CRMP1: variants seen among roughly 807,000 people sequenced by gnomAD.
CRMP1 encodes collapsin response mediator protein 1, also known as dihydropyrimidinase-related protein 1.
Under a neutral mutation model 68.3 loss-of-function variants are expected in CRMP1, and 19 were observed. That is an observed-to-expected ratio of 0.28 (90% CI 0.19 to 0.41). The LOEUF (loss-of-function observed/expected upper bound fraction) is 0.41. Ranked by LOEUF, CRMP1 falls within the 10% of genes least tolerant of loss-of-function variation. CRMP1 has a pLI of 1.00. For missense variants in CRMP1, 791 were observed against 967.4 expected, an observed-to-expected ratio of 0.82 and a Z score of 2.42; for synonymous variants, 439 against 399.6, an observed-to-expected ratio of 1.10 and a Z score of -1.18.
intron 6 of CRMP1, among the ~76,000 whole-genome samples, chr4:5,844,043 A>T (rs1711996181): frequency 6.6e-6 from 1 of 152,158 alleles, no homozygotes. Flanking sequence ...TGTCTGTGTC[A>T]TTGTTCTTAG....
Position 5,853,918 on chromosome 4 carries a change from C to T in CRMP1, c.820+2225G>A, listed in dbSNP as rs1006590927. Among the ~76,000 whole-genome samples, 37 of 152,354 alleles carry T rather than the reference C, an allele frequency of 2.4e-4. No homozygotes were observed. The highest frequency in any genetic ancestry group is 8.9e-4 in the African/African-American group (37 of 41,590). On this transcript the variant is annotated intron_variant, in intron 4 of 13. Coordinates refer to ENST00000324989, the MANE Select transcript of CRMP1 (RefSeq NM_001014809.3). The surrounding 1 kb of genome is among the most constrained non-coding windows in gnomAD (Gnocchi z 4.7). ...AGCATACAAAGTTGAAAGGTTGCTG[C>T]CAGGACCTGAGCACCATCGCCATTC...
Position 5,841,570 on chromosome 4 carries a change from G to C in CRMP1, c.1033-142C>G. On this transcript the variant is annotated intron_variant, in intron 7 of 13. Transcript: ENST00000324989. This position sits in a 1 kb window ranked among gnomAD's most constrained non-coding sequence, Gnocchi z 6.9. ...GGACATACTGAGTCCAACAGCGCTT[G>C]ACAGTGCCCCCTGCTCTCCGGGGTG... 7.6e-7 allele frequency: 1 copy of C among 1,311,356 alleles called. No individual in the cohort carries two copies. The highest frequency in any genetic ancestry group is 1.1e-6 in the Non-Finnish European group (1 of 945,282). 81.2% of individuals were successfully genotyped at this position (1,311,356 alleles called of 1,614,324 possible).
Position 5,892,859 on chromosome 4 carries a change from G to T in CRMP1, c.111C>A (p.Ala37=), listed in dbSNP as rs143304363. ...TPRQKYGGMF[A]AVEGAYENKT... is the part of the protein sequence containing the mutation. ...TGTTCTCGTAGGCGCCCTCCACCGC[G>T]GCGAACATGCCGCCGTACTTCTGGC... Residue 37 remains alanine (A), a synonymous_variant, in exon 1 of 14, where the codon GCC becomes GCA. Transcript: ENST00000324989. This position sits in a 1 kb window ranked among gnomAD's most constrained non-coding sequence, Gnocchi z 8.6. 4 of 1,415,276 alleles carry T rather than the reference G, an allele frequency of 2.8e-6. No homozygotes were observed. Among genetic ancestry groups the T allele is most frequent in the African/African-American group, 3.0e-5 (2 of 66,358 alleles). 87.7% of individuals were successfully genotyped at this position (1,415,276 alleles called of 1,614,324 possible).
In CRMP1 at chr4:5,841,169, C is replaced by G; in HGVS notation, c.1153+139G>C. On this transcript the variant is annotated intron_variant, in intron 8 of 13. Transcript: ENST00000324989. This position sits in a 1 kb window ranked among gnomAD's most constrained non-coding sequence, Gnocchi z 6.9. ...GGACCAAAGAATTCCAGCCACCATC[C>G]TTGTGTCAGGAGCATCCCCGCTCCA... 1.5e-6 allele frequency: 2 copies of G among 1,290,844 alleles called. No individual in the cohort carries two copies. Among genetic ancestry groups the G allele is most frequent in the South Asian group, 2.6e-5 (2 of 76,294 alleles). 80.0% of individuals were successfully genotyped at this position (1,290,844 alleles called of 1,614,324 possible). A position where few individuals can be genotyped will look rare whatever the true frequency, so the allele number is the denominator to read the frequency against.
rs778874099 is a variant in CRMP1, at chr4:5,820,871, G to C, written c.*889C>G. The C allele has an allele frequency of 1.3e-5, 2 of 152,184 alleles. No homozygotes were observed. The highest frequency in any genetic ancestry group is 2.1e-4 in the South Asian group (1 of 4,828). 9.4% of individuals were successfully genotyped at this position (152,184 alleles called of 1,614,324 possible). On this transcript the variant is annotated 3_prime_UTR_variant, in exon 14 of 14. Coordinates refer to ENST00000324989, the MANE Select transcript of CRMP1 (RefSeq NM_001014809.3). ...CAAGTTGGTTGTTAAGTAAAAATGG[G>C]AGTGATTACAAAGGAAAACTTTGTA...
rs939811076 is a variant in CRMP1 at position 5,888,420 on chromosome 4, C to G, written c.381+4169G>C. On this transcript the variant is annotated intron_variant, in intron 1 of 13. Transcript: ENST00000324989. The surrounding 1 kb of genome is among the most constrained non-coding windows in gnomAD (Gnocchi z 6.4). ...CTCGGCGCCCGTGGATGCCCACGCGCGGCTGCCCCGGCTGCTCGGCCCGCC... is the reference window on the plus strand; with the variant it reads ...CTCGGCGCCCGTGGATGCCCACGCGGGGCTGCCCCGGCTGCTCGGCCCGCC... 2.5e-5 allele frequency: 30 copies of G among 1,216,288 alleles called. No individual in the cohort carries two copies. The highest frequency in any genetic ancestry group is 3.1e-4 in the Middle Eastern group (1 of 3,188). 75.3% of individuals were successfully genotyped at this position (1,216,288 alleles called of 1,614,324 possible).
At chr4:5,878,742 C>A in intron 1 of CRMP1, among the ~76,000 whole-genome samples, 1 of 152,250 alleles carries the variant, frequency 6.6e-6, no homozygotes, top group South Asian at 2.1e-4. Context: ...TCATCAAATG[C>A]AGAGGAAAAT....
Position 5,892,791 on chromosome 4 carries a change from G to C in CRMP1, c.179C>G (p.Ser60Trp). The C allele has an allele frequency of 7.6e-7, 1 of 1,320,332 alleles. No individual in the cohort carries two copies. Among genetic ancestry groups the C allele is most frequent in the Non-Finnish European group, 9.7e-7 (1 of 1,028,738 alleles). The allele number at this position is 1,320,332 out of a possible 1,614,324, so 81.8% of individuals were successfully genotyped here. A position where few individuals can be genotyped will look rare whatever the true frequency, so the allele number is the denominator to read the frequency against. ...FDAYSVGRRG[S>W]ARTPRSAGRP... ...GCCAGCGCTGCGCGGCGTGCGCGCC[G>C]AGCCGCGGCGGCCCACACTGTAGGC... The change falls in exon 1 of 14, where the codon TCG becomes TGG. Residue 60 changes from serine (S) to tryptophan (W), a missense_variant. Ser to Trp is a radical substitution (Grantham distance 177, BLOSUM62 -3). Around this residue, in one of 3 missense-constraint regions of CRMP1, gnomAD observed 193 missense variants for 186.3 expected, o/e 1.04. Transcript: ENST00000324989. The surrounding 1 kb of genome is among the most constrained non-coding windows in gnomAD (Gnocchi z 8.6).
At position 5,866,575 on chromosome 4, in the gene CRMP1, C is replaced by A; in HGVS notation, c.470+93G>T. On this transcript the variant is annotated intron_variant, in intron 2 of 13. Transcript: ENST00000324989. This position sits in a 1 kb window ranked among gnomAD's most constrained non-coding sequence, Gnocchi z 5.9. Reference sequence around the variant, plus strand: ...CTGAAACACAGGTACACAGCCCCGTCATTCTAGGACAGAATGCCAGCCTTC... The same window carrying A: ...CTGAAACACAGGTACACAGCCCCGTAATTCTAGGACAGAATGCCAGCCTTC... 2 of 875,530 alleles carry A rather than the reference C, an allele frequency of 2.3e-6. No individual in the cohort carries two copies. The highest frequency in any genetic ancestry group is 3.6e-4 in the Middle Eastern group (1 of 2,792). The allele number at this position is 875,530 out of a possible 1,614,324, so 54.2% of individuals were successfully genotyped here.
In CRMP1 at chr4:5,884,710, G is replaced by A. The variant is rs144994410; in HGVS notation, c.381+7879C>T. 9.1e-3 allele frequency among the ~76,000 whole-genome samples: 1,388 copies of A among 152,192 alleles called. 9 individuals carry two copies. Among genetic ancestry groups the A allele is most frequent in the Non-Finnish European group, 0.014 (956 of 68,018 alleles). On this transcript the variant is annotated intron_variant, in intron 1 of 13. Coordinates refer to ENST00000324989, the MANE Select transcript of CRMP1 (RefSeq NM_001014809.3). ...GGTGAGAGATAATGGCAATTGTGCC[G>A]AATGCTTGGACTAGAGCAAAAACAC...
chr4:5,822,841 A>T (rs572668450), intron 13 of CRMP1, among the ~76,000 whole-genome samples: 39 of 152,346 alleles, frequency 2.6e-4, no homozygotes, highest in Admixed American at 8.5e-4. Context: ...AAACGTAAGT[A>T]AGTTAGCTCA....
rs1713461430 is a variant in CRMP1, at chr4:5,860,437, T to G, written c.655+589A>C. Among the ~76,000 whole-genome samples the G allele has an allele frequency of 6.6e-6, 1 of 152,196 alleles. No individual in the cohort carries two copies. Among genetic ancestry groups the G allele is most frequent in the Admixed American group, 6.5e-5 (1 of 15,276 alleles). ...CTCAAATGAGAAAAACAAGTGTTGC[T>G]TAAGATTTGGGGGCTGTTTGTTACG... is the stretch of plus-strand genomic sequence containing the variant. On this transcript the variant is annotated intron_variant, in intron 3 of 13. Coordinates refer to ENST00000324989, the MANE Select transcript of CRMP1 (RefSeq NM_001014809.3). The surrounding 1 kb of genome is among the most constrained non-coding windows in gnomAD (Gnocchi z 4.2).
intron 3 of CRMP1, among the ~76,000 whole-genome samples, chr4:5,856,751 TCCA>T (rs1291029725): frequency 6.7e-6 from 1 of 149,944 alleles, no homozygotes; most frequent in Non-Finnish European, 1.5e-5. Flanking sequence ...TATCATCACC[TCCA>T]CCACCATCAC....
Position 5,825,775 on chromosome 4 carries a change from TGCACACACACACACAACAC to T in CRMP1, c.1804-135_1804-117del. On this transcript the variant is annotated intron_variant, in intron 12 of 13. Transcript: ENST00000324989. This position sits in a 1 kb window ranked among gnomAD's most constrained non-coding sequence, Gnocchi z 4.4. ...AACCTGAGGTCACTTCAAATGTGCA[TGCACACACACACACAACAC>T]GCACACACGACAGGTGCACTTCACA... 1 of 967,866 alleles carries T rather than the reference TGCACACACACACACAACAC, an allele frequency of 1.0e-6. No individual in the cohort carries two copies. The highest frequency in any genetic ancestry group is 1.5e-6 in the Non-Finnish European group (1 of 652,586). 60.0% of individuals were successfully genotyped at this position (967,866 alleles called of 1,614,324 possible). A position where few individuals can be genotyped will look rare whatever the true frequency, so the allele number is the denominator to read the frequency against.
At chr4:5,832,665 C>T (rs1157148418) in intron 11 of CRMP1, among the ~76,000 whole-genome samples, 6 of 152,140 alleles carry the variant, frequency 3.9e-5, no homozygotes, top group Non-Finnish European at 8.8e-5. Flanking sequence ...AACCACCTCA[C>T]GGAATCCTCA....
At chr4:5,840,959 G>GT (rs1711676768) in intron 8 of CRMP1, among the ~76,000 whole-genome samples, 3 of 137,608 alleles carry the variant, frequency 2.2e-5, no homozygotes, top group Non-Finnish European at 4.7e-5. Flanking sequence ...TCTGAACTGA[G>GT]TTGTGTACAT....
Position 5,865,183 on chromosome 4 carries a change from CCTT to C in CRMP1, c.470+1482_470+1484del, listed in dbSNP as rs1713896252. Among the ~76,000 whole-genome samples, 1 of 152,118 alleles carries C rather than the reference CCTT, an allele frequency of 6.6e-6. No homozygotes were observed. Among genetic ancestry groups the C allele is most frequent in the Admixed American group, 6.5e-5 (1 of 15,270 alleles). The stretch of plus-strand genomic sequence containing the variant: ...CTTGCTCCAATTCCCCTCTGCCTTT[CCTT>C]CTTGTGCCAGCCACTCATGCTGGAT... On this transcript the variant is annotated intron_variant, in intron 2 of 13. Transcript: ENST00000324989. The surrounding 1 kb of genome is among the most constrained non-coding windows in gnomAD (Gnocchi z 4.1).
rs1379588031 is a variant in CRMP1, at chr4:5,838,309, T to C, written c.1310+1213A>G. 6.6e-6 allele frequency among the ~76,000 whole-genome samples: 1 copy of C among 152,114 alleles called. No individual in the cohort carries two copies. Among genetic ancestry groups the C allele is most frequent in the Non-Finnish European group, 1.5e-5 (1 of 68,022 alleles). ...AGGGAGGGAGGTTGGTCAGGGCGTG[T>C]GCACCGGATTGAGTTCTGCCTTGTT... On this transcript the variant is annotated intron_variant, in intron 9 of 13. Transcript: ENST00000324989. This position sits in a 1 kb window ranked among gnomAD's most constrained non-coding sequence, Gnocchi z 4.9.
chr4:5,893,064 T>C lies in CRMP1; in HGVS notation c.-95A>G. 1.2e-6 allele frequency: 1 copy of C among 859,664 alleles called. No homozygotes were observed. The highest frequency in any genetic ancestry group is 1.4e-6 in the Non-Finnish European group (1 of 714,728). The allele number at this position is 859,664 out of a possible 1,614,324, so 53.3% of individuals were successfully genotyped here. Reference sequence around the variant, plus strand: ...CGCGCTCCGCGCCTCGGTGCGGGCCTGCGGCGGCCCGGGCGCGACTGCGGC... The same window carrying C: ...CGCGCTCCGCGCCTCGGTGCGGGCCCGCGGCGGCCCGGGCGCGACTGCGGC... On this transcript the variant is annotated 5_prime_UTR_variant, in exon 1 of 14. Transcript: ENST00000324989.
Sources: allele counts gnomAD v4.1 joint callset (sites outside exome capture counted in the v4.1 genomes callset), GRCh38; gene constraint gnomAD v4.1.1; regional missense constraint gnomAD v4.1.1; non-coding constraint Gnocchi (gnomAD v3.1); transcripts MANE v1.5; gene names NCBI Gene and HGNC (gene_info 2026-07-23, HGNC 2026-07-21).